B3GALT1: variants seen among roughly 807,000 people sequenced by gnomAD.
B3GALT1 encodes UDP-Gal:betaGlcNAc beta 1,3-galactosyltransferase, polypeptide 1.
A neutral mutation model predicts 23.2 loss-of-function variants in B3GALT1; 10 were observed. The observed-to-expected ratio is 0.43, with a 90% CI of 0.27 to 0.73. The LOEUF (loss-of-function observed/expected upper bound fraction) is 0.73. Among genes scored for constraint, B3GALT1 ranks in the 30% least tolerant of loss-of-function variants. The pLI is 0.21. For synonymous variants in B3GALT1, 156 were observed against 141.5 expected (o/e 1.10, Z -0.73); for missense variants, 299 against 405.4 (o/e 0.74, Z 2.25).
At chr2:167,319,935 C>T (rs921468913) in intron 1 of B3GALT1, among the ~76,000 whole-genome samples, 2 of 152,028 alleles carry the variant, frequency 1.3e-5, no homozygotes, top group East Asian at 3.9e-4. Flanking sequence ...TTATTACTTA[C>T]ATACCTTAAG....
At chr2:167,803,320 A>G (rs1688677773) in intron 3 of B3GALT1, among the ~76,000 whole-genome samples, 2 of 152,192 alleles carry the variant, frequency 1.3e-5, no homozygotes, top group Admixed American at 6.5e-5. Flanking sequence ...AAATAGCTCA[A>G]TTATGTTTTG....
At chr2:167,371,666 T>C (rs1219694742) in intron 1 of B3GALT1, among the ~76,000 whole-genome samples, 2 of 152,084 alleles carry the variant, frequency 1.3e-5, no homozygotes, top group African/African-American at 4.8e-5. Context: ...CTAATCCTTA[T>C]ATTTTGTAAA....
chr2:167,377,753 G>T lies in B3GALT1; in HGVS notation c.-511+84419G>T, dbSNP rs78998573. 6.8e-3 allele frequency among the ~76,000 whole-genome samples: 1,029 copies of T among 152,114 alleles called. 31 individuals carry two copies. In the East Asian group the frequency reaches 0.075, roughly 11 times the overall value. On this transcript the variant is annotated intron_variant, in intron 1 of 4. Coordinates refer to ENST00000392690, the MANE Select transcript of B3GALT1 (RefSeq NM_020981.4). ...TGGGACTCTTAAAGACAGCAGACAG[G>T]TAAGTCTTGTTTTTTAATTCAACTT... is the stretch of plus-strand genomic sequence containing the variant.
chr2:167,691,234 G>A (rs1686705927), intron 3 of B3GALT1, among the ~76,000 whole-genome samples: 1 of 152,002 alleles, frequency 6.6e-6, no homozygotes, highest in African/African-American at 2.4e-5. Flanking sequence ...TTTCATTTCT[G>A]TATGCATATG....
intron 1 of B3GALT1, among the ~76,000 whole-genome samples, chr2:167,371,665 A>G (rs935454081): frequency 1.3e-4 from 20 of 152,102 alleles, no homozygotes; most frequent in Non-Finnish European, 7.4e-5. Flanking sequence ...TCTAATCCTT[A>G]TATTTTGTAA....
intron 1 of B3GALT1, among the ~76,000 whole-genome samples, chr2:167,420,899 A>T (rs1313056236): frequency 2.0e-5 from 3 of 152,224 alleles, no homozygotes; most frequent in Admixed American, 2.0e-4. Flanking sequence ...AAGGGACATT[A>T]TTCGATATTG....
intron 2 of B3GALT1, among the ~76,000 whole-genome samples, chr2:167,558,720 G>A (rs1012869513): frequency 6.6e-6 from 1 of 152,198 alleles, no homozygotes; most frequent in Non-Finnish European, 1.5e-5. Flanking sequence ...ACAGCAGTCT[G>A]AGATCAAACT....
At chr2:167,676,893 TAGTC>T (rs1318418683) in intron 3 of B3GALT1, among the ~76,000 whole-genome samples, 1 of 152,262 alleles carries the variant, frequency 6.6e-6, no homozygotes, top group Admixed American at 6.5e-5. Flanking sequence ...AAGTTCTATA[TAGTC>T]TTTACTAAGT....
chr2:167,704,122 A>T lies in B3GALT1; in HGVS notation c.-352+57156A>T, dbSNP rs1319310725. On this transcript the variant is annotated intron_variant, in intron 3 of 4. Coordinates refer to ENST00000392690, the MANE Select transcript of B3GALT1 (RefSeq NM_020981.4). The stretch of plus-strand genomic sequence containing the variant: ...CGTGAACCCGGGAGGCGGAGCTTGC[A>T]ATGAGCCGAGATCGCACCACTGCAC... 6.7e-5 allele frequency among the ~76,000 whole-genome samples: 10 copies of T among 150,154 alleles called. No individual in the cohort carries two copies. The East Asian group carries it at 2.0e-3, about 30-fold the overall frequency.
At chr2:167,624,451 A>G (rs989030697) in intron 2 of B3GALT1, among the ~76,000 whole-genome samples, 2 of 152,100 alleles carry the variant, frequency 1.3e-5, no homozygotes, top group African/African-American at 4.8e-5. Flanking sequence ...AAAACAGTTC[A>G]TCTATGTTAC....
At chr2:167,643,765 G>T (rs913879034) in intron 2 of B3GALT1, among the ~76,000 whole-genome samples, 1 of 152,162 alleles carries the variant, frequency 6.6e-6, no homozygotes, top group Admixed American at 6.5e-5. Flanking sequence ...TATAAGGTGT[G>T]GGTAAACTGG....
chr2:167,327,300 G>A (rs1696910440), intron 1 of B3GALT1, among the ~76,000 whole-genome samples: 1 of 151,962 alleles, frequency 6.6e-6, no homozygotes, highest in African/African-American at 2.4e-5. Flanking sequence ...AATGACATTG[G>A]TATTTTGATA....
At chr2:167,508,258 AT>A (rs71031292) in intron 2 of B3GALT1, among the ~76,000 whole-genome samples, 6,790 of 135,064 alleles carry the variant, frequency 0.05, 477 homozygotes, top group African/African-American at 0.16. Flanking sequence ...ATTTTTATTA[AT>A]TTTTTTTTTT....
At chr2:167,455,559 A>C (rs753626037) in intron 1 of B3GALT1, among the ~76,000 whole-genome samples, 1 of 152,054 alleles carries the variant, frequency 6.6e-6, no homozygotes, top group Non-Finnish European at 1.5e-5. Flanking sequence ...TGTCACCCAG[A>C]CTGGAGTGCA....
chr2:167,467,749 C>A (rs2105329155), intron 1 of B3GALT1, among the ~76,000 whole-genome samples: 1 of 152,194 alleles, frequency 6.6e-6, no homozygotes. Flanking sequence ...TTCAACACAC[C>A]CTTTATGAGC....
At chr2:167,806,773 T>C (rs1212633491) in intron 3 of B3GALT1, among the ~76,000 whole-genome samples, 2 of 152,156 alleles carry the variant, frequency 1.3e-5, no homozygotes, top group African/African-American at 4.8e-5. Context: ...GGTCTAAAAT[T>C]CTCTTTTTTT....
intron 1 of B3GALT1, among the ~76,000 whole-genome samples, chr2:167,443,857 C>A (rs6432996): frequency 0.19 from 28,967 of 151,966 alleles, 4,765 homozygotes; most frequent in African/African-American, 0.46. Context: ...AATATCCTTT[C>A]TTTCTTTCTC....
At chr2:167,625,594 G>A (rs780547494) in intron 2 of B3GALT1, among the ~76,000 whole-genome samples, 3 of 151,526 alleles carry the variant, frequency 2.0e-5, no homozygotes, top group Non-Finnish European at 3.0e-5. Context: ...CATTCAGAAG[G>A]GAAAATCCGC....
At chr2:167,319,026 A>G (rs1476520184) in intron 1 of B3GALT1, among the ~76,000 whole-genome samples, 2 of 152,160 alleles carry the variant, frequency 1.3e-5, no homozygotes, top group Non-Finnish European at 2.9e-5. Flanking sequence ...GCTTACTTCC[A>G]GTGGAGCCTC....
Sources: gnomAD v4.1 joint callset for allele counts (sites outside exome capture counted in the v4.1 genomes callset) on GRCh38, gnomAD v4.1.1 for gene constraint, MANE v1.5 for transcripts, NCBI Gene and HGNC (gene_info 2026-07-23, HGNC 2026-07-21) for gene names.